The following TTLL13 variants were observed in gnomAD, a reference collection of about 807,000 sequenced individuals.
TTLL13 encodes tubulin tyrosine ligase like 13, also known as tubulin polyglutamylase TTLL13.
chr15:90,251,445 T>C, the TTLL13 span: 2 of 1,178,986 alleles, frequency 1.7e-6, no homozygotes, highest in Non-Finnish European at 2.5e-6. Context: ...GTCTTTTAAG[T>C]GGCTTCTAGA....
the TTLL13 span, chr15:90,256,429 G>A: frequency 1.5e-5 from 17 of 1,138,090 alleles, no homozygotes; most frequent in Middle Eastern, 2.8e-4. Flanking sequence ...CCTGGAGGCA[G>A]TATCCAGCCA....
At chr15:90,257,208 G>C in the TTLL13 span, 1 of 1,613,452 alleles carries the variant, frequency 6.2e-7, no homozygotes, top group African/African-American at 1.3e-5. Flanking sequence ...GACCCTCTCC[G>C]GATCTTCACA....
the TTLL13 span, chr15:90,265,453 TTTAA>T: frequency 2.2e-6 from 3 of 1,342,470 alleles, no homozygotes; most frequent in Non-Finnish European, 2.9e-6. Flanking sequence ...GAATCCGTAC[TTTAA>T]TTAAAGTTTA....
the TTLL13 span, chr15:90,264,769 A>C: frequency 6.5e-7 from 1 of 1,536,140 alleles, no homozygotes; most frequent in Non-Finnish European, 8.7e-7. Context: ...TCCTGGCAGG[A>C]TCAGTGCCAC....
the TTLL13 span, chr15:90,258,227 T>C: frequency 6.2e-7 from 1 of 1,614,258 alleles, no homozygotes; most frequent in South Asian, 1.1e-5. Context: ...TCCTTGGTTT[T>C]GACATCTTGC....
the TTLL13 span, chr15:90,262,099 G>A: frequency 6.5e-7 from 1 of 1,536,084 alleles, no homozygotes; most frequent in Admixed American, 2.0e-5. Context: ...TCTACCCTGG[G>A]CCTGACACAG....
At chr15:90,256,573 C>CTT in the TTLL13 span, among the ~76,000 whole-genome samples, 1 of 56,336 alleles carries the variant, frequency 1.8e-5, no homozygotes, top group Non-Finnish European at 3.2e-5. Context: ...TTCTTTCTTT[C>CTT]TTTCTTTCTT....
the TTLL13 span, chr15:90,265,056 C>T: frequency 3.6e-4 from 515 of 1,418,318 alleles, no homozygotes; most frequent in African/African-American, 5.7e-3. Context: ...TGACTGCCAC[C>T]AAGTTCCACT....
chr15:90,262,814 G>A, the TTLL13 span: 1 of 1,223,386 alleles, frequency 8.2e-7, no homozygotes, highest in Admixed American at 2.9e-5. Context: ...CGATCCTTTG[G>A]AAGATGAAGT....
chr15:90,251,979 G>A, the TTLL13 span, among the ~76,000 whole-genome samples: 149 of 151,640 alleles, frequency 9.8e-4, 1 homozygote, highest in African/African-American at 3.2e-3. Context: ...AGCTCAAGCC[G>A]TCTTCCTATC....
chr15:90,252,369 CAG>C, the TTLL13 span, among the ~76,000 whole-genome samples: 3 of 151,970 alleles, frequency 2.0e-5, no homozygotes, highest in South Asian at 2.1e-4. Flanking sequence ...TTTGTAGAGA[CAG>C]AGTCTTGCTA....
At chr15:90,258,081 A>G in the TTLL13 span, 5 of 1,614,230 alleles carry the variant, frequency 3.1e-6, no homozygotes, top group African/African-American at 1.3e-5. Context: ...GCACAGCTAC[A>G]ACCCTGGAGA....
chr15:90,255,703 G>C, the TTLL13 span: 1 of 1,613,040 alleles, frequency 6.2e-7, no homozygotes, highest in African/African-American at 1.3e-5. Flanking sequence ...ATGCCCAGGT[G>C]CTAGGAAATG....
chr15:90,259,736 T>C, the TTLL13 span, among the ~76,000 whole-genome samples: 16 of 152,288 alleles, frequency 1.1e-4, no homozygotes, highest in African/African-American at 3.8e-4. Context: ...CTGAGAAACT[T>C]TGTCATAAAG....
At chr15:90,256,894 G>A in the TTLL13 span, among the ~76,000 whole-genome samples, 38,998 of 151,558 alleles carry the variant, frequency 0.26, 6,126 homozygotes, top group East Asian at 0.69. Context: ...CACCATCTTG[G>A]CCAGGCTGGT....
At chr15:90,257,409 T>C in the TTLL13 span, 2 of 1,372,270 alleles carry the variant, frequency 1.5e-6, no homozygotes, top group Non-Finnish European at 2.0e-6. Context: ...AGCTGCAGCA[T>C]CTAGCTGGGA....
the TTLL13 span, among the ~76,000 whole-genome samples, chr15:90,256,635 TTCC>T: frequency 9.3e-6 from 1 of 108,028 alleles, no homozygotes; most frequent in East Asian, 2.0e-4. Context: ...CCTTCCTTCC[TTCC>T]TTCTTTCTTT....
the TTLL13 span, chr15:90,257,521 A>G: frequency 6.2e-4 from 661 of 1,064,438 alleles, 3 homozygotes; most frequent in African/African-American, 9.3e-3. Flanking sequence ...CCTCTGGTGG[A>G]GAGAGACAGG....
chr15:90,264,874 T>C, the TTLL13 span: 4 of 1,536,094 alleles, frequency 2.6e-6, no homozygotes, highest in Non-Finnish European at 3.5e-6. Context: ...TGGTAAACTC[T>C]GAACACAGAG....
Sources: gnomAD v4.1 joint callset for allele counts (sites outside exome capture counted in the v4.1 genomes callset) on GRCh38, gnomAD v4.1.1 for gene constraint, MANE v1.5 for transcripts, NCBI Gene and HGNC (gene_info 2026-07-23, HGNC 2026-07-21) for gene names.